The following CDH2 variants were observed in gnomAD, a reference collection of about 807,000 sequenced individuals.
CDH2 encodes cadherin 2, also known as cadherin-2.
In CDH2, 17 loss-of-function variants were observed where a neutral mutation model predicts 92.0. That is an observed-to-expected ratio of 0.18 (90% CI 0.13 to 0.28). CDH2 has a LOEUF of 0.28. Ranked by LOEUF, CDH2 falls within the 10% of genes least tolerant of loss-of-function variation. The pLI is 1.00. For missense variants in CDH2, 862 were observed against 1,133.1 expected, an observed-to-expected ratio of 0.76 and a Z score of 3.44; for synonymous variants, 419 against 415.9, an observed-to-expected ratio of 1.01 and a Z score of -0.09.
rs531950357 is a variant in CDH2 at position 27,978,826 on chromosome 18, A to G, written c.2349+4118T>C. ...AGCTACCATGCCTGGTTAATTAACA[A>G]TTTTTTTTTTTAAGAGATGTGGTCT... On this transcript the variant is annotated intron_variant, in intron 14 of 15. Coordinates refer to ENST00000269141, the MANE Select transcript of CDH2 (RefSeq NM_001792.5). 6.1e-5 allele frequency among the ~76,000 whole-genome samples: 9 copies of G among 147,088 alleles called. No individual in the cohort carries two copies. The South Asian group carries it at 2.0e-3, about 32-fold the overall frequency.
chr18:28,168,566 C>A (rs2016419331), intron 1 of CDH2: 1 of 334,464 alleles, frequency 3.0e-6, no homozygotes, highest in Non-Finnish European at 4.2e-6. Context: ...ATTTTAAGTT[C>A]CAAGATTCAT....
intron 1 of CDH2, among the ~76,000 whole-genome samples, chr18:28,150,055 T>G (rs2016097277): frequency 6.6e-6 from 1 of 152,194 alleles, no homozygotes; most frequent in South Asian, 2.1e-4. Flanking sequence ...GCTTTTGCTT[T>G]TAGCTAACCC....
At chr18:28,176,866 T>A in intron 1 of CDH2, 97 bp downstream of exon 1, 1 of 563,266 alleles carries the variant, frequency 1.8e-6, no homozygotes, top group Non-Finnish European at 2.3e-6. Context: ...CCTTCCCGGG[T>A]GCGCAGCCCG....
intron 2 of CDH2, among the ~76,000 whole-genome samples, chr18:28,024,260 G>A (rs2144065465): frequency 6.6e-6 from 1 of 151,998 alleles, no homozygotes; most frequent in Middle Eastern, 3.4e-3. Flanking sequence ...TCATTATATT[G>A]CCCAATTATC....
intron 2 of CDH2, among the ~76,000 whole-genome samples, chr18:28,051,816 GTA>G (rs2014197845): frequency 6.6e-6 from 1 of 152,038 alleles, no homozygotes. Flanking sequence ...AAATCACTAC[GTA>G]ATAATGATAA....
intron 10 of CDH2, 28 bp downstream of exon 10, chr18:27,990,069 C>T (rs2012361052): frequency 1.2e-6 from 2 of 1,604,784 alleles, no homozygotes; most frequent in East Asian, 4.5e-5. Context: ...AAGTAAGCTA[C>T]AAAAACACTA....
chr18:28,049,649 T>C (rs1399192917), intron 2 of CDH2, among the ~76,000 whole-genome samples: 2 of 152,176 alleles, frequency 1.3e-5, no homozygotes, highest in South Asian at 2.1e-4. Flanking sequence ...CACTGAATAG[T>C]ATCTATGGCA....
intron 2 of CDH2, among the ~76,000 whole-genome samples, chr18:28,108,627 G>A (rs1209083859): frequency 1.3e-5 from 2 of 151,982 alleles, no homozygotes; most frequent in Admixed American, 6.6e-5. Context: ...ATGCATTTGC[G>A]CATGCTCAAT....
Position 27,960,019 on chromosome 18 carries a change from AACACAC to A in CDH2, c.2514+3332_2514+3337del, listed in dbSNP as rs5823570. Among the ~76,000 whole-genome samples the A allele has an allele frequency of 1.0e-3, 151 of 149,584 alleles. 1 individual carries two copies. The highest frequency in any genetic ancestry group is 3.7e-3 in the Admixed American group (56 of 15,042). On this transcript the variant is annotated intron_variant, in intron 15 of 15. Transcript: ENST00000269141. ...AACAGAGAGAGACCCTGTCTCTTAA[AACACAC>A]ACACACACACACACACACACACAAA...
At chr18:28,106,812 T>C (rs557057995) in intron 2 of CDH2, among the ~76,000 whole-genome samples, 2 of 152,342 alleles carry the variant, frequency 1.3e-5, no homozygotes, top group African/African-American at 4.8e-5. Context: ...AATTGTATTA[T>C]TTATGTCACA....
At chr18:27,938,996 A>G (rs1179507833) in intron 6 of CDH2, among the ~76,000 whole-genome samples, 1 of 152,228 alleles carries the variant, frequency 6.6e-6, no homozygotes, top group Non-Finnish European at 1.5e-5. Context: ...AAGTTTATAC[A>G]AAGTACCTAT....
intron 1 of CDH2, among the ~76,000 whole-genome samples, chr18:28,174,930 A>T (rs2144377011): frequency 6.6e-6 from 1 of 152,330 alleles, no homozygotes; most frequent in East Asian, 1.9e-4. Flanking sequence ...TTTTTAAAGT[A>T]AGATTTGTAA....
intron 2 of CDH2, among the ~76,000 whole-genome samples, chr18:28,068,945 T>C (rs2014564660): frequency 6.6e-6 from 1 of 152,332 alleles, no homozygotes; most frequent in South Asian, 2.1e-4. Flanking sequence ...ATTCTTTCTC[T>C]TTTGCTATTT....
At chr18:28,088,864 T>C (rs1310387908) in intron 2 of CDH2, among the ~76,000 whole-genome samples, 1 of 151,924 alleles carries the variant, frequency 6.6e-6, no homozygotes, top group African/African-American at 2.4e-5. Context: ...GGAGAGAAAA[T>C]ACAAATTCTA....
intron 6 of CDH2, among the ~76,000 whole-genome samples, chr18:27,940,787 G>A (rs1473993620): frequency 2.0e-5 from 3 of 152,140 alleles, no homozygotes; most frequent in East Asian, 3.9e-4. Flanking sequence ...ATAGCAGTTT[G>A]TCACACCATT....
chr18:28,112,887 G>C (rs978595722), intron 2 of CDH2, among the ~76,000 whole-genome samples: 1 of 152,082 alleles, frequency 6.6e-6, no homozygotes, highest in African/African-American at 2.4e-5. Context: ...CTGAAGAAAA[G>C]TCAACAGCAG....
In CDH2 at chr18:28,016,541, T is replaced by G. The variant is rs1004459678; in HGVS notation, c.173-2632A>C. On this transcript the variant is annotated intron_variant, in intron 2 of 15. Transcript: ENST00000269141. ...TTAATACTTATGGAATGCCAGGCACTGAAAAAGACACTTCAGATTATGTCA... is the reference window on the plus strand; with the variant it reads ...TTAATACTTATGGAATGCCAGGCACGGAAAAAGACACTTCAGATTATGTCA... Among the ~76,000 whole-genome samples, 11 of 152,246 alleles carry G rather than the reference T, an allele frequency of 7.2e-5. No individual in the cohort carries two copies. The East Asian group carries it at 2.1e-3, about 29-fold the overall frequency.
chr18:28,113,412 T>C (rs1435473688), intron 2 of CDH2, among the ~76,000 whole-genome samples: 1 of 148,436 alleles, frequency 6.7e-6, no homozygotes, highest in Non-Finnish European at 1.5e-5. Context: ...AACATTTAAA[T>C]ACCTACATAG....
intron 15 of CDH2, among the ~76,000 whole-genome samples, chr18:27,958,950 C>A (rs753061167): frequency 6.6e-6 from 1 of 152,178 alleles, no homozygotes; most frequent in Non-Finnish European, 1.5e-5. Context: ...GAGGCTTTCC[C>A]AGCCCTGTGG....
Sources: allele counts gnomAD v4.1 joint callset (sites outside exome capture counted in the v4.1 genomes callset), GRCh38; gene constraint gnomAD v4.1.1; transcripts MANE v1.5; gene names NCBI Gene and HGNC (gene_info 2026-07-23, HGNC 2026-07-21).